Variants in GLDC observed in about 807,000 individuals in gnomAD.
GLDC encodes glycine dehydrogenase (decarboxylating), mitochondrial.
A neutral mutation model predicts 121.3 loss-of-function variants in GLDC; 104 were observed. The ratio of observed to expected loss-of-function variants is 0.86; its 90% CI spans 0.73 to 1.01. The LOEUF is 1.01. Among genes scored for constraint, GLDC ranks in the 50% least tolerant of loss-of-function variants. The pLI is 0.00. For synonymous variants in GLDC, 546 were observed against 480.6 expected, an observed-to-expected ratio of 1.14 and a Z score of -1.78; for missense variants, 1,429 against 1,306.6, an observed-to-expected ratio of 1.09 and a Z score of -1.44.
chr9:6,602,341 A>C (rs959581351), intron 7 of GLDC, 136 bp from the exon 8 acceptor site: 12 of 695,408 alleles, frequency 1.7e-5, no homozygotes, highest in Admixed American at 1.0e-4. Flanking sequence ...ATAAAGAAAC[A>C]ATTTCTAAAC....
intron 21 of GLDC, chr9:6,541,151 A>T (rs1817249776): frequency 6.6e-6 from 1 of 152,198 alleles, no homozygotes; most frequent in Non-Finnish European, 1.5e-5. Flanking sequence ...GGGATATTCG[A>T]CCTGTAGTTC....
At chr9:6,594,889 A>G in intron 9 of GLDC, 125 bp downstream of exon 9, 1 of 733,260 alleles carries the variant, frequency 1.4e-6, no homozygotes, top group South Asian at 1.5e-5. Context: ...TGTTGAAAGT[A>G]TTTTTCCTCG....
intron 23 of GLDC, among the ~76,000 whole-genome samples, 164 bp from the exon 24 acceptor site, chr9:6,534,952 T>G (rs1817091292): frequency 6.6e-6 from 1 of 152,208 alleles, no homozygotes; most frequent in South Asian, 2.1e-4. Flanking sequence ...GTGAAATATT[T>G]TAAATATCAG....
chr9:6,625,875 G>C (rs1819226994), intron 2 of GLDC, among the ~76,000 whole-genome samples: 1 of 151,278 alleles, frequency 6.6e-6, no homozygotes, highest in South Asian at 2.1e-4. Flanking sequence ...GGAAGAGTAG[G>C]ACCCAAGTTT....
chr9:6,547,941 G>A (rs909559798), intron 21 of GLDC, among the ~76,000 whole-genome samples: 5 of 152,098 alleles, frequency 3.3e-5, no homozygotes, highest in African/African-American at 1.2e-4. Flanking sequence ...ACCAACCTGG[G>A]CAACAGAGCA....
At chr9:6,633,922 C>G (rs7853194) in intron 2 of GLDC, among the ~76,000 whole-genome samples, 31,884 of 145,676 alleles carry the variant, frequency 0.22, 3,647 homozygotes, top group South Asian at 0.31. Flanking sequence ...CTGTGCCTCC[C>G]GGGTTCACGC....
intron 17 of GLDC, 123 bp from the exon 18 acceptor site, chr9:6,556,425 C>T: frequency 2.5e-6 from 2 of 812,300 alleles, no homozygotes; most frequent in Non-Finnish European, 4.2e-6. Context: ...TTTCCTGGAA[C>T]TGTCTCAAAG....
intron 3 of GLDC, 50 bp downstream of exon 3, chr9:6,620,134 G>C (rs1171553875): frequency 1.9e-6 from 3 of 1,580,596 alleles, no homozygotes; most frequent in Non-Finnish European, 2.6e-6. Context: ...AGGATGGAGA[G>C]AATTATGCAA....
At chr9:6,635,269 G>C (rs1819477790) in intron 2 of GLDC, among the ~76,000 whole-genome samples, 1 of 152,094 alleles carries the variant, frequency 6.6e-6, no homozygotes, top group Non-Finnish European at 1.5e-5. Flanking sequence ...CTCTCAATAA[G>C]TGCAGAATGG....
Position 6,556,192 on chromosome 9 carries a change from T to C in GLDC, c.2163A>G (p.Gly721=), listed in dbSNP as rs748569405. The change falls in exon 18 of 25, where the codon GGA becomes GGG. Residue 721 remains glycine, a synonymous_variant. Transcript: ENST00000321612. The part of the protein sequence containing the change: ...SDVCDLIHQH[G]GQVYLDGANM... Reference sequence around the variant, plus strand: ...TTGCCCCGTCTAGGTAGACCTGTCCTCCATGTTGATGGATGAGGTCACACA... The same window carrying C: ...TTGCCCCGTCTAGGTAGACCTGTCCCCCATGTTGATGGATGAGGTCACACA... 6.2e-7 allele frequency: 1 copy of C among 1,613,412 alleles called. No individual in the cohort carries two copies. Among genetic ancestry groups the C allele is most frequent in the Non-Finnish European group, 8.5e-7 (1 of 1,179,384 alleles).
intron 4 of GLDC, 86 bp from the exon 5 acceptor site, chr9:6,606,755 G>C: frequency 1.1e-5 from 9 of 842,794 alleles, no homozygotes; most frequent in Non-Finnish European, 1.7e-5. Flanking sequence ...ATAGTACCGA[G>C]GGTAAGTCTA....
chr9:6,587,905 G>GA (rs954973452), intron 14 of GLDC, among the ~76,000 whole-genome samples: 4 of 150,542 alleles, frequency 2.7e-5, no homozygotes, highest in Non-Finnish European at 5.9e-5. Flanking sequence ...ATGAAAGAAA[G>GA]AAAAAAAAAG....
At chr9:6,617,572 A>G (rs934483640) in intron 3 of GLDC, among the ~76,000 whole-genome samples, 4 of 152,224 alleles carry the variant, frequency 2.6e-5, no homozygotes, top group Non-Finnish European at 4.4e-5. Context: ...GCCTTCATCA[A>G]TGCAAACGCA....
intron 15 of GLDC, among the ~76,000 whole-genome samples, chr9:6,581,740 G>A (rs982133470): frequency 2.6e-5 from 4 of 152,128 alleles, no homozygotes; most frequent in African/African-American, 9.7e-5. Flanking sequence ...AGACTATCCA[G>A]GTTGACCAAA....
At chr9:6,639,668 A>ATT in intron 2 of GLDC, 1 of 248,646 alleles carries the variant, frequency 4.0e-6, no homozygotes, top group Non-Finnish European at 6.4e-6. Flanking sequence ...ATAAAAAAAA[A>ATT]GTATATATAT....
intron 15 of GLDC, among the ~76,000 whole-genome samples, chr9:6,574,564 A>G (rs1270998335): frequency 1.3e-5 from 2 of 152,202 alleles, no homozygotes; most frequent in African/African-American, 4.8e-5. Flanking sequence ...GGTGCAGTCC[A>G]ATGTTAGAAC....
At chr9:6,623,979 T>C (rs1480831894) in intron 2 of GLDC, among the ~76,000 whole-genome samples, 2 of 152,214 alleles carry the variant, frequency 1.3e-5, no homozygotes, top group Admixed American at 6.5e-5. Flanking sequence ...TGTTCTGCGT[T>C]GGTCCAGCTC....
chr9:6,617,579 C>T (rs896534036), intron 3 of GLDC, among the ~76,000 whole-genome samples: 3 of 152,194 alleles, frequency 2.0e-5, no homozygotes, highest in Non-Finnish European at 2.9e-5. Context: ...TCAATGCAAA[C>T]GCATTCACAG....
In GLDC at chr9:6,533,116, C is replaced by T. The variant is rs146045718; in HGVS notation, c.2964G>A (p.Arg988=). Reference sequence around the variant, plus strand: ...GCTGATCTCCATATATGTCATCAATCCGGGCAATCGTTGGCCAGAATTTGT... The same window carrying T: ...GCTGATCTCCATATATGTCATCAATTCGGGCAATCGTTGGCCAGAATTTGT... ...PENKFWPTIA[R]IDDIYGDQHL... The change falls in exon 25 of 25, where the codon CGG becomes CGA. Residue 988 remains arginine (R), a synonymous_variant. Transcript: ENST00000321612. 2,221 of 1,612,676 alleles carry T rather than the reference C, an allele frequency of 1.4e-3. 4 individuals carry two copies. Among genetic ancestry groups the T allele is most frequent in the South Asian group, 2.3e-3 (213 of 91,056 alleles).
Sources: gnomAD v4.1 joint callset for allele counts (sites outside exome capture counted in the v4.1 genomes callset) on GRCh38, gnomAD v4.1.1 for gene constraint, MANE v1.5 for transcripts, NCBI Gene and HGNC (gene_info 2026-07-23, HGNC 2026-07-21) for gene names.